PUS10: variants seen among roughly 807,000 people sequenced by gnomAD.
PUS10 encodes the protein tRNA pseudouridine synthase Pus10.
Under a neutral mutation model 75.0 loss-of-function variants are expected in PUS10, and 59 were observed. The observed-to-expected ratio is 0.79, with a 90% CI of 0.64 to 0.98. The LOEUF (loss-of-function observed/expected upper bound fraction) is 0.98, where lower values mean the gene tolerates loss of function less well. PUS10 is among the 50% of genes least tolerant of loss of function. The pLI is 0.00. For synonymous variants in PUS10, 219 were observed against 211.6 expected (o/e 1.03, Z -0.30); for missense variants, 650 against 614.4 (o/e 1.06, Z -0.61).
chr2:61,017,660 G>A (rs1330569039), intron 1 of PUS10: 2 of 903,932 alleles, frequency 2.2e-6, no homozygotes, highest in Non-Finnish European at 3.4e-6. Flanking sequence ...CGGGGTGGAC[G>A]GCTCGGTGTT....
intron 2 of PUS10, among the ~76,000 whole-genome samples, chr2:61,011,491 A>G (rs2104735393): frequency 6.6e-6 from 1 of 152,342 alleles, no homozygotes; most frequent in African/African-American, 2.4e-5. Flanking sequence ...GATATCCTTT[A>G]GGAAACATCT....
In PUS10 at chr2:61,008,760, C is replaced by A. The variant is rs774535452; in HGVS notation, c.381+1G>T. On this transcript the variant is annotated splice_donor_variant, in intron 3 of 17. Coordinates refer to ENST00000316752, the MANE Select transcript of PUS10 (RefSeq NM_144709.4). LOFTEE classifies it high-confidence loss of function. ...CCTATAATGAAAAACAGGTTATTTA[C>A]CTTTTTAATGAAATCTTTCTCACAG... The A allele has an allele frequency of 1.3e-6, 2 of 1,564,654 alleles. No individual in the cohort carries two copies. Among genetic ancestry groups the A allele is most frequent in the Admixed American group, 3.8e-5 (2 of 53,180 alleles).
chr2:60,975,831 G>A (rs1486718165), intron 4 of PUS10, among the ~76,000 whole-genome samples: 1 of 151,650 alleles, frequency 6.6e-6, no homozygotes, highest in Non-Finnish European at 1.5e-5. Context: ...GCACGATCTC[G>A]GCTCACTGCA....
intron 11 of PUS10, 38 bp downstream of exon 11, chr2:60,960,343 CAAAAAAAAAAA>C: frequency 8.8e-7 from 1 of 1,138,640 alleles, no homozygotes; most frequent in South Asian, 1.9e-5. Flanking sequence ...GCCCCTATCT[CAAAAAAAAAAA>C]AAAAAAGAAA....
chr2:60,984,905 T>C (rs998255388), intron 4 of PUS10, among the ~76,000 whole-genome samples: 43 of 152,042 alleles, frequency 2.8e-4, no homozygotes, highest in Admixed American at 1.3e-4. Context: ...CAGAAAGAGA[T>C]TACCAAAATG....
At chr2:61,014,514 A>G (rs1479520297) in intron 1 of PUS10, among the ~76,000 whole-genome samples, 1 of 152,248 alleles carries the variant, frequency 6.6e-6, no homozygotes, top group East Asian at 1.9e-4. Context: ...TACTATATAG[A>G]GAATGAAGGC....
rs1481365544 is a variant in PUS10, at chr2:60,978,488, G to A, written c.469-6931C>T. 5.3e-5 allele frequency among the ~76,000 whole-genome samples: 8 copies of A among 151,128 alleles called. No homozygotes were observed. The South Asian group carries it at 1.3e-3, about 24-fold the overall frequency. On this transcript the variant is annotated intron_variant, in intron 4 of 17. Coordinates refer to ENST00000316752, the MANE Select transcript of PUS10 (RefSeq NM_144709.4). The stretch of plus-strand genomic sequence containing the variant: ...CGTGGAAAGTATGTTCCAAACAGAG[G>A]AAACCCAAAGGTGCAAATGCCAGAG...
At chr2:61,004,270 C>A (rs1679051420) in intron 4 of PUS10, among the ~76,000 whole-genome samples, 1 of 152,144 alleles carries the variant, frequency 6.6e-6, no homozygotes, top group Non-Finnish European at 1.5e-5. Context: ...CAATTTCTAT[C>A]CAACCTGGCT....
At chr2:60,964,562 A>G (rs1224091282) in intron 8 of PUS10, among the ~76,000 whole-genome samples, 5 of 152,232 alleles carry the variant, frequency 3.3e-5, no homozygotes, top group African/African-American at 1.2e-4. Flanking sequence ...TTGAATAAAA[A>G]TGCCCTTTTT....
rs1347469578 is a variant in PUS10 at position 60,962,855 on chromosome 2, C to T, written c.759G>A (p.Leu253=). ...VFTRMAVMKA[L]NKIKEEDFLK... is the part of the protein sequence containing the mutation. ...GGAAATCCTCTTCCTTTATCTTATTCAAGGCTTTCATAACTGCCATTCTAG... is the reference window on the plus strand; with the variant it reads ...GGAAATCCTCTTCCTTTATCTTATTTAAGGCTTTCATAACTGCCATTCTAG... Residue 253 remains leucine (L), a synonymous_variant, in exon 9 of 18, where the codon TTG becomes TTA. Transcript: ENST00000316752. The T allele has an allele frequency of 1.9e-6, 3 of 1,571,890 alleles. No individual in the cohort carries two copies. Among genetic ancestry groups the T allele is most frequent in the African/African-American group, 2.8e-5 (2 of 70,852 alleles).
At chr2:60,972,032 G>A (rs548075302) in intron 4 of PUS10, among the ~76,000 whole-genome samples, 8 of 149,612 alleles carry the variant, frequency 5.3e-5, no homozygotes, top group Non-Finnish European at 1.0e-4. Context: ...CACCACACTC[G>A]GCTAACTTGT....
chr2:60,944,871 A>C (rs1175236189), intron 17 of PUS10, 138 bp downstream of exon 17: 1 of 628,764 alleles, frequency 1.6e-6, no homozygotes, highest in Non-Finnish European at 2.8e-6. Flanking sequence ...CCCTCCCTTC[A>C]ATACAATGTT....
chr2:60,961,342 G>C (rs1268198781), intron 10 of PUS10, 121 bp downstream of exon 10: 1 of 779,866 alleles, frequency 1.3e-6, no homozygotes, highest in Non-Finnish European at 2.2e-6. Flanking sequence ...TACTTCTCAA[G>C]AGAGTAAACT....
At chr2:60,955,721 T>C (rs918994452) in intron 11 of PUS10, among the ~76,000 whole-genome samples, 1 of 152,270 alleles carries the variant, frequency 6.6e-6, no homozygotes, top group South Asian at 2.1e-4. Flanking sequence ...GTTCCCAAGG[T>C]CACACAAGTA....
chr2:60,997,611 A>G (rs1480005337), intron 4 of PUS10, among the ~76,000 whole-genome samples: 1 of 123,844 alleles, frequency 8.1e-6, no homozygotes, highest in Non-Finnish European at 1.5e-5. Flanking sequence ...CTCCATCTCA[A>G]AAAAAAAAAA....
At chr2:60,966,960 C>G (rs1475424865) in intron 6 of PUS10, 1 of 152,322 alleles carries the variant, frequency 6.6e-6, no homozygotes, top group African/African-American at 2.4e-5. Flanking sequence ...AAAGTCAACC[C>G]ATTTCAGAGA....
At chr2:60,962,266 AG>A (rs1676070350) in intron 9 of PUS10, among the ~76,000 whole-genome samples, 1 of 152,222 alleles carries the variant, frequency 6.6e-6, no homozygotes. Flanking sequence ...CTCTTCTAAA[AG>A]ATCAAGAAGT....
intron 17 of PUS10, chr2:60,944,197 C>G: frequency 1.0e-6 from 1 of 983,224 alleles, no homozygotes; most frequent in Non-Finnish European, 1.2e-6. Flanking sequence ...ATGATAGTTT[C>G]ACTGAAGAGG....
At chr2:60,997,367 T>C (rs1678540727) in intron 4 of PUS10, among the ~76,000 whole-genome samples, 1 of 152,032 alleles carries the variant, frequency 6.6e-6, no homozygotes, top group African/African-American at 2.4e-5. Flanking sequence ...TCCCAGCACT[T>C]TGAGAGGCCG....
Sources: allele counts gnomAD v4.1 joint callset (sites outside exome capture counted in the v4.1 genomes callset), GRCh38; gene constraint gnomAD v4.1.1; transcripts MANE v1.5; gene names NCBI Gene and HGNC (gene_info 2026-07-23, HGNC 2026-07-21).